The following SNTB1 variants were observed in gnomAD, a reference collection of about 807,000 sequenced individuals.
The protein encoded by SNTB1 is syntrophin beta 1, also known as beta-1-syntrophin.
In SNTB1, 36 loss-of-function variants were observed where a neutral mutation model predicts 48.9. The observed-to-expected ratio is 0.74, with a 90% CI of 0.56 to 0.97. The LOEUF (loss-of-function observed/expected upper bound fraction) is 0.97, where lower values mean the gene tolerates loss of function less well. SNTB1 is among the 50% of genes least tolerant of loss of function. SNTB1 has a pLI of 0.00. For missense variants in SNTB1, 786 were observed against 703.4 expected (o/e 1.12, Z -1.33); for synonymous variants, 299 against 294.6 (o/e 1.01, Z -0.15).
chr8:120,704,248 A>G (rs1818347676), intron 1 of SNTB1, among the ~76,000 whole-genome samples: 1 of 152,148 alleles, frequency 6.6e-6, no homozygotes, highest in Non-Finnish European at 1.5e-5. Context: ...GCCAGGAGTT[A>G]GTGACTAGCC....
At chr8:120,739,976 CA>C (rs1819017755) in intron 1 of SNTB1, among the ~76,000 whole-genome samples, 1 of 152,142 alleles carries the variant, frequency 6.6e-6, no homozygotes, top group African/African-American at 2.4e-5. Context: ...TACATGACCC[CA>C]TGTTCCTAGA....
chr8:120,641,590 T>C (rs980027758), intron 2 of SNTB1, among the ~76,000 whole-genome samples: 1 of 152,226 alleles, frequency 6.6e-6, no homozygotes, highest in African/African-American at 2.4e-5. Context: ...AGAGGCCCAT[T>C]TTCTCCAGGT....
intron 1 of SNTB1, among the ~76,000 whole-genome samples, chr8:120,704,216 T>C (rs1818347414): frequency 6.6e-6 from 1 of 152,216 alleles, no homozygotes; most frequent in African/African-American, 2.4e-5. Flanking sequence ...TTTGGGAGTA[T>C]GAGGTGGGAG....
intron 2 of SNTB1, among the ~76,000 whole-genome samples, chr8:120,663,873 T>C (rs538041472): frequency 5.4e-4 from 83 of 152,300 alleles, no homozygotes; most frequent in African/African-American, 2.0e-3. Flanking sequence ...AAGATCCGAT[T>C]ACAGCAGAGA....
At chr8:120,593,375 C>G (rs557068413) in intron 3 of SNTB1, among the ~76,000 whole-genome samples, 1 of 152,182 alleles carries the variant, frequency 6.6e-6, no homozygotes, top group African/African-American at 2.4e-5. Flanking sequence ...TCAGCACCCT[C>G]GGGTCTCATG....
chr8:120,731,410 A>G (rs1408272949), intron 1 of SNTB1, among the ~76,000 whole-genome samples: 1 of 152,216 alleles, frequency 6.6e-6, no homozygotes, highest in African/African-American at 2.4e-5. Context: ...GAGAGAGTGA[A>G]AGATGTGAAA....
chr8:120,560,210 C>T (rs1412920504), intron 4 of SNTB1, among the ~76,000 whole-genome samples: 3 of 152,272 alleles, frequency 2.0e-5, no homozygotes, highest in South Asian at 2.1e-4. Flanking sequence ...GGGCCGGGTG[C>T]GGTGGCTCAT....
intron 3 of SNTB1, among the ~76,000 whole-genome samples, chr8:120,623,890 T>G (rs965644505): frequency 3.3e-5 from 5 of 152,244 alleles, no homozygotes; most frequent in Admixed American, 2.0e-4. Context: ...TGCATTAGTC[T>G]GTTTTGTGTT....
intron 1 of SNTB1, among the ~76,000 whole-genome samples, chr8:120,697,235 A>G (rs796734902): frequency 6.6e-6 from 1 of 152,246 alleles, no homozygotes; most frequent in African/African-American, 2.4e-5. Context: ...GGGAATTTCC[A>G]AAGGACAGAA....
chr8:120,693,796 G>A lies in SNTB1; in HGVS notation c.684C>T (p.Asp228=). The A allele has an allele frequency of 6.2e-7, 1 of 1,614,140 alleles. No homozygotes were observed. The stretch of plus-strand genomic sequence containing the variant: ...AGGAGAAGGACTGCGATGACGGGGG[G>A]TCTGAGGTGCTGCCCCCTAACCGAG... ...ESPRLGGSTS[D]PPSSQSFSFH... The change falls in exon 2 of 7, where the codon GAC becomes GAT. Residue 228 remains aspartate, a synonymous_variant. Coordinates refer to ENST00000517992, the MANE Select transcript of SNTB1 (RefSeq NM_021021.4).
chr8:120,779,259 C>T (rs1819790534), intron 1 of SNTB1, among the ~76,000 whole-genome samples: 3 of 152,104 alleles, frequency 2.0e-5, no homozygotes, highest in Non-Finnish European at 4.4e-5. Context: ...AATCCCAGCA[C>T]TTTGGGAGGT....
At chr8:120,682,645 C>T (rs1286402176) in intron 2 of SNTB1, among the ~76,000 whole-genome samples, 2 of 152,076 alleles carry the variant, frequency 1.3e-5, no homozygotes, top group African/African-American at 4.8e-5. Context: ...TCTACCATAA[C>T]AAAGTATTTC....
chr8:120,600,748 C>T (rs942323818), intron 3 of SNTB1, among the ~76,000 whole-genome samples: 1 of 151,774 alleles, frequency 6.6e-6, no homozygotes, highest in Non-Finnish European at 1.5e-5. Context: ...TAAGATGGGG[C>T]AGCAAGAGAA....
At chr8:120,672,026 C>A (rs1817766877) in intron 2 of SNTB1, among the ~76,000 whole-genome samples, 1 of 152,228 alleles carries the variant, frequency 6.6e-6, no homozygotes, top group South Asian at 2.1e-4. Flanking sequence ...ACCCGAACAA[C>A]CTCCCTGCTT....
rs145732083 is a variant in SNTB1, at chr8:120,811,635, C to T, written c.209G>A (p.Arg70Lys). The change falls in exon 1 of 7, where the codon AGG (arginine) becomes AAG (lysine). Residue 70 changes from arginine (R) to lysine (K), a missense_variant. Physicochemically the swap from Arg to Lys is conservative, Grantham distance 26 (BLOSUM62 2). Coordinates refer to ENST00000517992, the MANE Select transcript of SNTB1 (RefSeq NM_021021.4). Reference sequence around the variant, plus strand: ...GCCCGGGTGCCCAGCCCCGGCGCCCCTGCAGAACGAGCCATTGGTGGCGGT... The same window carrying T: ...GCCCGGGTGCCCAGCCCCGGCGCCCTTGCAGAACGAGCCATTGGTGGCGGT... The part of the protein sequence containing the change: ...IGTATNGSFC[R>K]GAGAGHPGAG... 5.9e-4 allele frequency: 937 copies of T among 1,594,250 alleles called. 1 individual carries two copies. The highest frequency in any genetic ancestry group is 1.1e-3 in the South Asian group (99 of 89,082).
chr8:120,570,096 A>G (rs72680550), intron 4 of SNTB1, among the ~76,000 whole-genome samples: 32,682 of 152,024 alleles, frequency 0.21, 3,716 homozygotes, highest in Middle Eastern at 0.31. Context: ...CAGTCTCCTC[A>G]TCTTACCAGG....
intron 1 of SNTB1, among the ~76,000 whole-genome samples, chr8:120,808,582 T>A (rs1245312142): frequency 6.6e-6 from 1 of 152,244 alleles, no homozygotes; most frequent in African/African-American, 2.4e-5. Flanking sequence ...GATATACGCC[T>A]TTCATTCTCA....
Position 120,811,565 on chromosome 8 carries a change from G to A in SNTB1, c.279C>T (p.Thr93=). 6.3e-7 allele frequency: 1 copy of A among 1,580,410 alleles called. No individual in the cohort carries two copies. The highest frequency in any genetic ancestry group is 1.4e-5 in the African/African-American group (1 of 74,018). ...CCTGCTCGGGCAGGTCGGTGAAAGC[G>A]GTGCGGACCCCGGCGGGCGAGTCCG... ...QPPDSPAGVR[T]AFTDLPEQVP... is the part of the protein sequence containing the mutation. Residue 93 remains threonine (T), a synonymous_variant, in exon 1 of 7, where the codon ACC becomes ACT. Coordinates refer to ENST00000517992, the MANE Select transcript of SNTB1 (RefSeq NM_021021.4).
At chr8:120,700,261 T>C (rs1258169468) in intron 1 of SNTB1, among the ~76,000 whole-genome samples, 1 of 152,132 alleles carries the variant, frequency 6.6e-6, no homozygotes, top group East Asian at 1.9e-4. Flanking sequence ...GCCTGTAACA[T>C]GAGAGAGTTT....
Sources: allele counts gnomAD v4.1 joint callset (sites outside exome capture counted in the v4.1 genomes callset), GRCh38; gene constraint gnomAD v4.1.1; transcripts MANE v1.5; gene names NCBI Gene and HGNC (gene_info 2026-07-23, HGNC 2026-07-21).